Variants in RYR2 observed in about 807,000 individuals in gnomAD.
RYR2 encodes the protein cardiac muscle ryanodine receptor-calcium release channel.
In RYR2, 227 loss-of-function variants were observed where a neutral mutation model predicts 601.1. The ratio of observed to expected loss-of-function variants is 0.38; its 90% CI spans 0.34 to 0.42. The LOEUF (loss-of-function observed/expected upper bound fraction) is 0.42, where lower values mean the gene tolerates loss of function less well. Among genes scored for constraint, RYR2 ranks in the 10% least tolerant of loss-of-function variants. RYR2 has a pLI of 1.00. For synonymous variants in RYR2, 2,223 were observed against 2,175.1 expected (o/e 1.02, Z -0.61); for missense variants, 4,646 against 6,156.5 (o/e 0.75, Z 8.21).
At chr1:237,371,052 T>G (rs1432762563) in intron 6 of RYR2, among the ~76,000 whole-genome samples, 1 of 151,828 alleles carries the variant, frequency 6.6e-6, no homozygotes, top group East Asian at 1.9e-4. Context: ...CTGATCACAC[T>G]AATAGGAAAA....
At chr1:237,374,635 A>G (rs2149782003) in intron 6 of RYR2, 82 bp from the exon 7 acceptor site, 1 of 1,157,894 alleles carries the variant, frequency 8.6e-7, no homozygotes, top group Non-Finnish European at 1.3e-6. Flanking sequence ...TTCCAGCCTG[A>G]GCTACAGAGC....
At chr1:237,362,703 A>G (rs1699879266) in intron 4 of RYR2, among the ~76,000 whole-genome samples, 1 of 152,216 alleles carries the variant, frequency 6.6e-6, no homozygotes. Context: ...CAATTTGAAC[A>G]AGAAATGGTT....
intron 17 of RYR2, among the ~76,000 whole-genome samples, chr1:237,479,318 A>G (rs1357983246): frequency 1.3e-5 from 2 of 152,164 alleles, no homozygotes; most frequent in African/African-American, 4.8e-5. Flanking sequence ...CTTTTTGTCA[A>G]TGTATTGCAC....
At chr1:237,175,456 T>A (rs1286393910) in intron 1 of RYR2, among the ~76,000 whole-genome samples, 4 of 152,210 alleles carry the variant, frequency 2.6e-5, no homozygotes, top group Non-Finnish European at 4.4e-5. Context: ...ATGCCCATTA[T>A]CCATAAATGA....
chr1:237,071,612 A>G (rs1034037211), intron 1 of RYR2, among the ~76,000 whole-genome samples: 1 of 151,814 alleles, frequency 6.6e-6, no homozygotes, highest in Non-Finnish European at 1.5e-5. Flanking sequence ...AAAACACTAT[A>G]AACTCTTACT....
intron 100 of RYR2, among the ~76,000 whole-genome samples, chr1:237,810,208 A>ATAC (rs1436346398): frequency 6.6e-6 from 1 of 152,054 alleles, no homozygotes; most frequent in Non-Finnish European, 1.5e-5. Context: ...GCAAATGGTA[A>ATAC]ACTGGGAAAG....
At chr1:237,588,936 G>T (rs1674841739) in intron 29 of RYR2, among the ~76,000 whole-genome samples, 1 of 151,652 alleles carries the variant, frequency 6.6e-6, no homozygotes, top group South Asian at 2.1e-4. Context: ...CCATCTCATT[G>T]TCTTGCCAAT....
chr1:237,579,351 A>C (rs1673637443), intron 29 of RYR2, among the ~76,000 whole-genome samples: 1 of 142,728 alleles, frequency 7.0e-6, no homozygotes, highest in Non-Finnish European at 1.5e-5. Context: ...CCGCCTCCTG[A>C]GTTCAAGCGA....
chr1:237,805,888 T>C (rs548630627), intron 98 of RYR2, among the ~76,000 whole-genome samples: 1 of 152,304 alleles, frequency 6.6e-6, no homozygotes, highest in African/African-American at 2.4e-5. Context: ...AACTTATTTT[T>C]TCTATCTAGC....
At position 237,619,929 on chromosome 1, in the gene RYR2, G is replaced by T. The variant is rs1297420824; in HGVS notation, c.5916+2443G>T. Reference sequence around the variant, plus strand: ...AGGAAGTTGTAAGAATTTGACTACAGCAGACCTACCCTAAAAGAATGCTAA... The same window carrying T: ...AGGAAGTTGTAAGAATTTGACTACATCAGACCTACCCTAAAAGAATGCTAA... On this transcript the variant is annotated intron_variant, in intron 38 of 104. Coordinates refer to ENST00000366574, the MANE Select transcript of RYR2 (RefSeq NM_001035.3). Among the ~76,000 whole-genome samples the T allele has an allele frequency of 1.8e-4, 28 of 152,088 alleles. 1 individual carries two copies. The highest frequency in any genetic ancestry group is 1.8e-3 in the Admixed American group (28 of 15,266).
intron 8 of RYR2, among the ~76,000 whole-genome samples, chr1:237,383,128 A>G (rs1298141040): frequency 6.6e-6 from 1 of 152,130 alleles, no homozygotes; most frequent in African/African-American, 2.4e-5. Flanking sequence ...TGTACCATGG[A>G]CTTCCATTGC....
chr1:237,582,749 AT>A (rs56707758), intron 29 of RYR2, among the ~76,000 whole-genome samples: 44,536 of 151,756 alleles, frequency 0.29, 7,053 homozygotes, highest in East Asian at 0.61. Flanking sequence ...ACATGATTTC[AT>A]TTTTTTATAG....
intron 13 of RYR2, among the ~76,000 whole-genome samples, chr1:237,442,613 A>G (rs1708009423): frequency 6.6e-6 from 1 of 152,174 alleles, no homozygotes; most frequent in Non-Finnish European, 1.5e-5. Flanking sequence ...ATCAAAATTC[A>G]TGCACTTATT....
intron 1 of RYR2, among the ~76,000 whole-genome samples, chr1:237,081,716 A>G (rs1244040700): frequency 6.6e-6 from 1 of 151,986 alleles, no homozygotes; most frequent in African/African-American, 2.4e-5. Context: ...TTTTATCAGG[A>G]ACCTCGCCCT....
intron 1 of RYR2, among the ~76,000 whole-genome samples, chr1:237,197,209 C>T (rs946109652): frequency 5.3e-5 from 8 of 152,160 alleles, no homozygotes; most frequent in Admixed American, 2.6e-4. Flanking sequence ...TTGTAATCCT[C>T]ATACCTTTTT....
chr1:237,441,536 C>T, intron 13 of RYR2, 53 bp downstream of exon 13: 1 of 1,422,980 alleles, frequency 7.0e-7, no homozygotes, highest in Non-Finnish European at 9.3e-7. Context: ...TATGAATACA[C>T]AAGCACAAGT....
intron 2 of RYR2, among the ~76,000 whole-genome samples, chr1:237,322,543 T>C (rs766847881): frequency 6.6e-6 from 1 of 152,178 alleles, no homozygotes; most frequent in Non-Finnish European, 1.5e-5. Flanking sequence ...AAGAAACCTA[T>C]GAATGGATTC....
In RYR2 at chr1:237,263,796, C is replaced by G. The variant is rs1270301002; in HGVS notation, c.49-6701C>G. On this transcript the variant is annotated intron_variant, in intron 1 of 104. Coordinates refer to ENST00000366574, the MANE Select transcript of RYR2 (RefSeq NM_001035.3). ...TGCTTCCTGTGAGCCAGCATTCTTA[C>G]AGGCTTTGGTGATCACCATTAGTAA... Among the ~76,000 whole-genome samples the G allele has an allele frequency of 2.0e-5, 3 of 152,110 alleles. No individual in the cohort carries two copies. The East Asian group carries it at 5.8e-4, about 29-fold the overall frequency.
chr1:237,477,305 C>G (rs1369505878), intron 17 of RYR2, among the ~76,000 whole-genome samples: 10 of 152,074 alleles, frequency 6.6e-5, no homozygotes, highest in Non-Finnish European at 1.2e-4. Context: ...GCAGGAGAAT[C>G]GCTTGAACCT....
Sources: gnomAD v4.1 joint callset for allele counts (sites outside exome capture counted in the v4.1 genomes callset) on GRCh38, gnomAD v4.1.1 for gene constraint, MANE v1.5 for transcripts, NCBI Gene and HGNC (gene_info 2026-07-23, HGNC 2026-07-21) for gene names.